AMZ2: variants seen among roughly 807,000 people sequenced by gnomAD.
AMZ2 encodes the protein archaelysin family metallopeptidase 2.
In AMZ2, 26 loss-of-function variants were observed where a neutral mutation model predicts 36.7. The observed-to-expected ratio is 0.71, with a 90% confidence interval of 0.52 to 0.98. AMZ2 has a LOEUF of 0.98. AMZ2 is among the 50% of genes least tolerant of loss of function. The pLI is 0.00. For missense variants in AMZ2, 394 were observed against 430.5 expected (o/e 0.92, Z 0.75); for synonymous variants, 144 against 149.1 (o/e 0.97, Z 0.25).
At chr17:68,223,086 GAGAC>G (rs2073410686) in intron 1 of AMZ2, among the ~76,000 whole-genome samples, 1 of 152,128 alleles carries the variant, frequency 6.6e-6, no homozygotes, top group Non-Finnish European at 1.5e-5. Context: ...GAGAGAGACA[GAGAC>G]AGAGAAATAA....
At chr17:68,206,268 C>G in intron 1 of AMZ2, 1 of 1,295,426 alleles carries the variant, frequency 7.7e-7, no homozygotes, top group South Asian at 3.2e-5. Flanking sequence ...GCTGCAGACT[C>G]CTTCCCCACC....
At chr17:68,211,820 G>GTATGTATATGTATA in intron 1 of AMZ2, among the ~76,000 whole-genome samples, 1 of 126,166 alleles carries the variant, frequency 7.9e-6, no homozygotes, top group Admixed American at 8.0e-5. Context: ...ATATGTATGT[G>GTATGTATATGTATA]TATGTATATG....
chr17:68,238,586 T>TACACAC (rs10528850), intron 1 of AMZ2, among the ~76,000 whole-genome samples: 10,596 of 150,806 alleles, frequency 0.07, 666 homozygotes, highest in African/African-American at 0.15. Flanking sequence ...CACACATATG[T>TACACAC]ACACACACAC....
Position 68,235,601 on chromosome 17 carries a change from GC to G in AMZ2, c.-66-13035del. On this transcript the variant is annotated intron_variant, in intron 1 of 7. Transcript: ENST00000674770. The surrounding 1 kb of genome is among the most constrained non-coding windows in gnomAD (Gnocchi z 4.2). ...TCCGGGACAGCCTCAATCCCTCAGG[GC>G]CCCTCTCGGTGCCTGCTTGGCTGAC... Among the ~76,000 whole-genome samples, 1 of 152,092 alleles carries G rather than the reference GC, an allele frequency of 6.6e-6. No homozygotes were observed. The highest frequency in any genetic ancestry group is 1.9e-4 in the East Asian group (1 of 5,170).
chr17:68,229,413 G>A (rs7220411), intron 1 of AMZ2, among the ~76,000 whole-genome samples: 9,071 of 152,250 alleles, frequency 0.06, 476 homozygotes, highest in Admixed American at 0.13. Flanking sequence ...TCCTGCCTGT[G>A]CTAGAACTGG....
chr17:68,209,619 T>A (rs1264631651), intron 1 of AMZ2, among the ~76,000 whole-genome samples: 1 of 90,832 alleles, frequency 1.1e-5, no homozygotes, highest in Non-Finnish European at 2.1e-5. Context: ...TGTATATATA[T>A]ATATATATAT....
rs146412486 is a variant in AMZ2, at chr17:68,229,172, G to A, written c.-66-19468G>A. Among the ~76,000 whole-genome samples, 875 of 152,324 alleles carry A rather than the reference G, an allele frequency of 5.7e-3. 2 individuals carry two copies. Among genetic ancestry groups the A allele is most frequent in the Non-Finnish European group, 9.4e-3 (642 of 68,016 alleles). ...TCTGGTTTTTGCTATTGCCTGGAAG[G>A]TAGGGGACGTCACGGTGCTTTGTGC... On this transcript the variant is annotated intron_variant, in intron 1 of 7. Transcript: ENST00000674770.
intron 1 of AMZ2, among the ~76,000 whole-genome samples, chr17:68,242,197 G>A (rs1402739819): frequency 1.3e-5 from 2 of 152,204 alleles, no homozygotes; most frequent in East Asian, 1.9e-4. Context: ...AAGGGTAGGC[G>A]GAAAGACAGA....
chr17:68,209,581 G>GGTGT (rs71142139), intron 1 of AMZ2, among the ~76,000 whole-genome samples: 288 of 106,738 alleles, frequency 2.7e-3, no homozygotes, highest in Admixed American at 4.8e-3. Context: ...AATAATTGTG[G>GGTGT]GTGTGTGTGT....
chr17:68,209,814 T>A (rs1247916145), intron 1 of AMZ2, among the ~76,000 whole-genome samples: 1 of 150,844 alleles, frequency 6.6e-6, no homozygotes, highest in African/African-American at 2.4e-5. Context: ...AGAGATGAGG[T>A]TTCACCATGT....
rs1214403611 is a variant in AMZ2, at chr17:68,235,735, C to G, written c.-66-12905C>G. Among the ~76,000 whole-genome samples, 2 of 152,188 alleles carry G rather than the reference C, an allele frequency of 1.3e-5. No homozygotes were observed. The highest frequency in any genetic ancestry group is 4.8e-5 in the African/African-American group (2 of 41,442). On this transcript the variant is annotated intron_variant, in intron 1 of 7. Transcript: ENST00000674770. The surrounding 1 kb of genome is among the most constrained non-coding windows in gnomAD (Gnocchi z 4.2). ...AGGAGCAGCGTGTGCCACGTGTGAC[C>G]CTGCTCTGCTGTGGCTTTTTGGTAC...
intron 1 of AMZ2, among the ~76,000 whole-genome samples, chr17:68,211,299 G>A (rs2073038475): frequency 1.3e-5 from 2 of 151,966 alleles, no homozygotes; most frequent in South Asian, 2.1e-4. Context: ...TCAGGAGATC[G>A]AGACCATCCT....
intron 1 of AMZ2, among the ~76,000 whole-genome samples, chr17:68,237,372 A>G (rs1282958175): frequency 1.3e-5 from 2 of 152,160 alleles, no homozygotes; most frequent in Non-Finnish European, 2.9e-5. Context: ...TTCTATTCTA[A>G]GTGTGTCCTT....
chr17:68,211,256 G>A (rs1555725842), intron 1 of AMZ2, among the ~76,000 whole-genome samples: 2 of 151,926 alleles, frequency 1.3e-5, no homozygotes, highest in Non-Finnish European at 2.9e-5. Context: ...TAATCCCAGC[G>A]CTTTGGGAGG....
At chr17:68,245,214 A>C (rs1393636454), upstream of AMZ2, among the ~76,000 whole-genome samples, 2 of 146,280 alleles carry the variant, frequency 1.4e-5, no homozygotes, top group Non-Finnish European at 3.0e-5. Flanking sequence ...AAAAAAAAAA[A>C]ACCTAACCCC....
intron 1 of AMZ2, among the ~76,000 whole-genome samples, chr17:68,210,301 T>G (rs1484286766): frequency 1.6e-4 from 25 of 152,256 alleles, no homozygotes; most frequent in Admixed American, 1.6e-3. Flanking sequence ...GTGCATTAAC[T>G]GATGAATGGA....
At chr17:68,229,251 C>A (rs112906287) in intron 1 of AMZ2, among the ~76,000 whole-genome samples, 8,995 of 152,144 alleles carry the variant, frequency 0.059, 458 homozygotes, top group Admixed American at 0.13. Flanking sequence ...AAACGCAGCC[C>A]CCCATGATGT....
intron 1 of AMZ2, among the ~76,000 whole-genome samples, chr17:68,215,675 A>G (rs12951085): frequency 0.083 from 10,750 of 129,432 alleles, 1,629 homozygotes; most frequent in African/African-American, 0.24. Flanking sequence ...AGCAGGTCAC[A>G]TTCACGCAAT....
intron 4 of AMZ2, among the ~76,000 whole-genome samples, chr17:68,253,832 C>T (rs1215619469): frequency 1.3e-5 from 2 of 150,958 alleles, no homozygotes; most frequent in African/African-American, 4.9e-5. Context: ...TGGCTCACTG[C>T]AACTCCGCCT....
Sources: allele counts gnomAD v4.1 joint callset (sites outside exome capture counted in the v4.1 genomes callset), GRCh38; gene constraint gnomAD v4.1.1; non-coding constraint Gnocchi (gnomAD v3.1); transcripts MANE v1.5; gene names NCBI Gene and HGNC (gene_info 2026-07-23, HGNC 2026-07-21).